The following PKN2 variants were observed in gnomAD, a reference collection of about 807,000 sequenced individuals.
PKN2 encodes the protein serine/threonine-protein kinase N2.
In PKN2, 38 loss-of-function variants were observed where a neutral mutation model predicts 119.1. The ratio of observed to expected loss-of-function variants is 0.32; its 90% confidence interval spans 0.25 to 0.42. The LOEUF is 0.42. Ranked by LOEUF, PKN2 falls within the 10% of genes least tolerant of loss-of-function variation. The pLI is 1.00. For synonymous variants in PKN2, 390 were observed against 384.9 expected (o/e 1.01, Z -0.15); for missense variants, 850 against 1,165.1 (o/e 0.73, Z 3.94).
chr1:88,685,340 T>C (rs1666047832), intron 1 of PKN2: 1 of 152,076 alleles, frequency 6.6e-6, no homozygotes, highest in Non-Finnish European at 1.5e-5. Flanking sequence ...TGCTGATGCT[T>C]TTCAGACTTT....
chr1:88,751,196 G>GT (rs1240058150), intron 2 of PKN2, among the ~76,000 whole-genome samples: 1 of 151,924 alleles, frequency 6.6e-6, no homozygotes, highest in Non-Finnish European at 1.5e-5. Context: ...GCACGTGTGT[G>GT]TGTGTAGATT....
intron 8 of PKN2, among the ~76,000 whole-genome samples, chr1:88,789,313 T>C (rs1292965501): frequency 1.3e-5 from 2 of 152,152 alleles, no homozygotes; most frequent in East Asian, 3.8e-4. Flanking sequence ...TTATAGTTAC[T>C]GGTATGACAG....
At position 88,833,607 on chromosome 1, in the gene PKN2, CT is replaced by C; in HGVS notation, c.*161del. 1.6e-6 allele frequency: 1 copy of C among 610,622 alleles called. No homozygotes were observed. Among genetic ancestry groups the C allele is most frequent in the Non-Finnish European group, 2.9e-6 (1 of 349,250 alleles). The allele number at this position is 610,622 out of a possible 1,614,324, so 37.8% of individuals were successfully genotyped here. A position where few individuals can be genotyped will look rare whatever the true frequency, so the allele number is the denominator to read the frequency against. On this transcript the variant is annotated 3_prime_UTR_variant, in exon 22 of 22. Coordinates refer to ENST00000370521, the MANE Select transcript of PKN2 (RefSeq NM_006256.4). ...TTTGTTTAAAAGTACCATTCTAATA[CT>C]TCTTCAAAAGTGGCTCCTCATTGTA...
chr1:88,755,338 T>C (rs1570582246), intron 2 of PKN2, among the ~76,000 whole-genome samples: 3 of 152,032 alleles, frequency 2.0e-5, no homozygotes, highest in Admixed American at 1.3e-4. Flanking sequence ...AAGAGGAAAA[T>C]AGATGAAATG....
chr1:88,747,990 C>T (rs1031355928), intron 2 of PKN2, among the ~76,000 whole-genome samples: 3 of 152,012 alleles, frequency 2.0e-5, no homozygotes, highest in Non-Finnish European at 2.9e-5. Flanking sequence ...ATAGTGTGAT[C>T]ATTAGTAAGT....
At chr1:88,740,522 TG>T (rs1279784477) in intron 1 of PKN2, among the ~76,000 whole-genome samples, 1 of 152,118 alleles carries the variant, frequency 6.6e-6, no homozygotes, top group African/African-American at 2.4e-5. Flanking sequence ...ACCCAGTACT[TG>T]TATTTAGAAC....
chr1:88,693,625 T>A (rs1666414092), intron 1 of PKN2, among the ~76,000 whole-genome samples: 2 of 152,142 alleles, frequency 1.3e-5, no homozygotes, highest in Non-Finnish European at 2.9e-5. Flanking sequence ...GGTGAGAGAA[T>A]GACTTGAGCC....
rs549618325 is a variant in PKN2, at chr1:88,718,338, T to C, written c.49-22650T>C. Among the ~76,000 whole-genome samples the C allele has an allele frequency of 7.7e-4, 117 of 152,324 alleles. 1 individual carries two copies. Among genetic ancestry groups the C allele is most frequent in the South Asian group, 7.5e-3 (36 of 4,826 alleles). On this transcript the variant is annotated intron_variant, in intron 1 of 21. Transcript: ENST00000370521. Reference sequence around the variant, plus strand: ...TCAAACTCCGTCCTGGGAGAACCACTGCTCTCCAAAGCTTTCAGACAGGGA... The same window carrying C: ...TCAAACTCCGTCCTGGGAGAACCACCGCTCTCCAAAGCTTTCAGACAGGGA...
chr1:88,741,606 A>G (rs889066398), intron 2 of PKN2, among the ~76,000 whole-genome samples: 2 of 152,130 alleles, frequency 1.3e-5, no homozygotes, highest in Non-Finnish European at 2.9e-5. Flanking sequence ...TACGTGATTC[A>G]TCCTGTAATC....
chr1:88,802,158 T>G (rs1671339786), intron 8 of PKN2, among the ~76,000 whole-genome samples: 1 of 152,146 alleles, frequency 6.6e-6, no homozygotes, highest in East Asian at 1.9e-4. Context: ...GAGCTATTAT[T>G]CCTAGTGTCT....
intron 1 of PKN2, among the ~76,000 whole-genome samples, chr1:88,730,094 G>A (rs1668080997): frequency 6.6e-6 from 1 of 152,038 alleles, no homozygotes; most frequent in South Asian, 2.1e-4. Context: ...AAACCCGGGA[G>A]GCGGAGCTTG....
chr1:88,769,502 C>A (rs981008880), intron 3 of PKN2, among the ~76,000 whole-genome samples: 8 of 152,108 alleles, frequency 5.3e-5, no homozygotes, highest in African/African-American at 1.9e-4. Context: ...AAGAAAATTA[C>A]AAATGTGAAT....
chr1:88,713,941 C>T (rs1270007900), intron 1 of PKN2, among the ~76,000 whole-genome samples: 1 of 152,182 alleles, frequency 6.6e-6, no homozygotes, highest in African/African-American at 2.4e-5. Context: ...TTTAATCCAT[C>T]TTGAATTAAT....
At chr1:88,814,880 C>G (rs145976420) in intron 16 of PKN2, among the ~76,000 whole-genome samples, 1 of 152,158 alleles carries the variant, frequency 6.6e-6, no homozygotes, top group Non-Finnish European at 1.5e-5. Flanking sequence ...TAGCAACTGA[C>G]ATTTGTGTTG....
chr1:88,702,736 G>A (rs890593721), intron 1 of PKN2, among the ~76,000 whole-genome samples: 4 of 152,146 alleles, frequency 2.6e-5, no homozygotes, highest in Non-Finnish European at 1.5e-5. Flanking sequence ...AAAAGTAAAT[G>A]AAAACTTTCA....
chr1:88,741,538 C>T (rs760065843), intron 2 of PKN2, among the ~76,000 whole-genome samples: 3 of 152,050 alleles, frequency 2.0e-5, no homozygotes, highest in Non-Finnish European at 4.4e-5. Flanking sequence ...ATCAGTAGGA[C>T]GTTACTTAGA....
intron 2 of PKN2, among the ~76,000 whole-genome samples, chr1:88,754,069 T>G (rs1016718666): frequency 2.0e-5 from 3 of 152,180 alleles, no homozygotes; most frequent in Non-Finnish European, 4.4e-5. Context: ...AAGTGTGGAC[T>G]TTTTTCCCCT....
chr1:88,684,419 A>C lies in PKN2; in HGVS notation c.-162A>C. On this transcript the variant is annotated 5_prime_UTR_variant, in exon 1 of 22. Coordinates refer to ENST00000370521, the MANE Select transcript of PKN2 (RefSeq NM_006256.4). ...CCGCCGCTCTCGATGAACCGGACGG[A>C]ATAAGCCGCGCCTCCAGCAGGGGCT... The C allele has an allele frequency of 1.6e-6, 1 of 614,104 alleles. No individual in the cohort carries two copies. Among genetic ancestry groups the C allele is most frequent in the East Asian group, 3.3e-5 (1 of 30,232 alleles). 38.0% of individuals were successfully genotyped at this position (614,104 alleles called of 1,614,324 possible).
chr1:88,794,534 A>AG (rs1258554500), intron 8 of PKN2, among the ~76,000 whole-genome samples: 1 of 152,154 alleles, frequency 6.6e-6, no homozygotes, highest in African/African-American at 2.4e-5. Flanking sequence ...CCAGGAGTTG[A>AG]ATACAGCAGT....
Sources: allele counts gnomAD v4.1 joint callset (sites outside exome capture counted in the v4.1 genomes callset), GRCh38; gene constraint gnomAD v4.1.1; transcripts MANE v1.5; gene names NCBI Gene and HGNC (gene_info 2026-07-23, HGNC 2026-07-21).